CFAP44: variants seen among roughly 807,000 people sequenced by gnomAD.
The protein encoded by CFAP44 is cilia- and flagella-associated protein 44.
In CFAP44, 134 loss-of-function variants were observed where a neutral mutation model predicts 216.2. The observed-to-expected ratio is 0.62, with a 90% confidence interval of 0.54 to 0.72. CFAP44 has a LOEUF of 0.72. Ranked by LOEUF, CFAP44 falls within the 30% of genes least tolerant of loss-of-function variation. The probability of loss-of-function intolerance (pLI) is 0.00; values close to 1 mark genes in which losing one functional copy is unlikely to be tolerated. For synonymous variants in CFAP44, 700 were observed against 727.6 expected (o/e 0.96, Z 0.61); for missense variants, 2,035 against 2,182.1 (o/e 0.93, Z 1.34).
chr3:113,414,430 C>G (rs1934584084), intron 6 of CFAP44, among the ~76,000 whole-genome samples: 1 of 152,092 alleles, frequency 6.6e-6, no homozygotes, highest in African/African-American at 2.4e-5. Flanking sequence ...GCATCCTTGT[C>G]TTGTACCAGT....
chr3:113,330,407 C>T lies in CFAP44; in HGVS notation c.3877G>A (p.Gly1293Arg), dbSNP rs369048426. ...QMKSKDEKSP[G>R]VEQTGSGGPV... is the part of the protein sequence containing the mutation. ...CCTCCAGACCCTGTCTGTTCCACTC[C>T]GGGGGACTTTTCATCTTTACTTTTC... Residue 1293 changes from glycine (G) to arginine (R), a missense_variant, in exon 26 of 35, where the codon GGA (glycine) becomes AGA (arginine). Gly to Arg is a moderately radical substitution (Grantham distance 125). Coordinates refer to ENST00000393845, the MANE Select transcript of CFAP44 (RefSeq NM_001164496.2). 1.4e-5 allele frequency: 21 copies of T among 1,537,178 alleles called. No homozygotes were observed. Among genetic ancestry groups the T allele is most frequent in the East Asian group, 7.3e-5 (3 of 40,926 alleles).
At chr3:113,307,315 A>C (rs1007876372) in intron 29 of CFAP44, among the ~76,000 whole-genome samples, 22 of 152,248 alleles carry the variant, frequency 1.4e-4, no homozygotes, top group Admixed American at 6.5e-4. Context: ...CATAACTTAT[A>C]ACTCTGAATC....
At chr3:113,330,020 A>G in intron 26 of CFAP44, 148 bp downstream of exon 26, 1 of 918,032 alleles carries the variant, frequency 1.1e-6, no homozygotes, top group Non-Finnish European at 1.5e-6. Context: ...ATGGGGAGGA[A>G]GCCAAGCCAT....
In CFAP44 at chr3:113,341,771, T is replaced by G. The variant is rs1950335251; in HGVS notation, c.3410A>C (p.Gln1137Pro). 1 of 1,502,412 alleles carries G rather than the reference T, an allele frequency of 6.7e-7. No homozygotes were observed. Among genetic ancestry groups the G allele is most frequent in the Non-Finnish European group, 8.8e-7 (1 of 1,137,184 alleles). The allele number at this position is 1,502,412 out of a possible 1,614,324, so 93.1% of individuals were successfully genotyped here. The part of the protein sequence containing the change: ...LKAERAQLKI[Q>P]QRKKEWEELY... ...TTCCTCCCATTCTTTTTTTCGCTGTTGAATCTTTAGTTGTGCCCTTTCAGC... is the reference window on the plus strand; with the variant it reads ...TTCCTCCCATTCTTTTTTTCGCTGTGGAATCTTTAGTTGTGCCCTTTCAGC... Residue 1137 changes from glutamine to proline, a missense_variant, in exon 24 of 35, where the codon CAA (glutamine) becomes CCA (proline). Physicochemically the swap from Gln to Pro is moderately conservative, Grantham distance 76. This residue lies in a region of CFAP44 where 1,883 missense variants were observed against 2,023.7 expected (regional missense o/e 0.93). Coordinates refer to ENST00000393845, the MANE Select transcript of CFAP44 (RefSeq NM_001164496.2).
At chr3:113,353,564 T>C (rs886676200) in intron 22 of CFAP44, among the ~76,000 whole-genome samples, 1 of 152,062 alleles carries the variant, frequency 6.6e-6, no homozygotes, top group African/African-American at 2.4e-5. Flanking sequence ...GAGTTCTTCC[T>C]GAGAGGAACT....
chr3:113,313,388 A>G (rs1202372360), intron 28 of CFAP44, among the ~76,000 whole-genome samples: 1 of 152,124 alleles, frequency 6.6e-6, no homozygotes, highest in Non-Finnish European at 1.5e-5. Context: ...TTTTGATTTT[A>G]CAGGCTCATA....
intron 27 of CFAP44, 48 bp downstream of exon 27, chr3:113,327,568 T>A: frequency 1.4e-6 from 2 of 1,474,514 alleles, no homozygotes; most frequent in Non-Finnish European, 1.8e-6. Context: ...ATCAAGTTTC[T>A]CCATAACTAA....
chr3:113,403,790 C>A, intron 9 of CFAP44, 62 bp downstream of exon 9: 1 of 1,526,964 alleles, frequency 6.5e-7, no homozygotes, highest in Non-Finnish European at 8.8e-7. Context: ...GAAATAAAAC[C>A]CTTTGGGTGA....
At chr3:113,345,371 C>T (rs1950371324) in intron 22 of CFAP44, among the ~76,000 whole-genome samples, 1 of 151,938 alleles carries the variant, frequency 6.6e-6, no homozygotes, top group African/African-American at 2.4e-5. Flanking sequence ...ATTTTGTTTT[C>T]TTAAATTACA....
chr3:113,412,609 T>G (rs939911974), intron 6 of CFAP44, among the ~76,000 whole-genome samples: 1 of 152,050 alleles, frequency 6.6e-6, no homozygotes, highest in Non-Finnish European at 1.5e-5. Flanking sequence ...CATTTATGAG[T>G]CAGAACACAC....
intron 32 of CFAP44, among the ~76,000 whole-genome samples, chr3:113,302,457 TAAAAAAAAA>T (rs60866565): frequency 0.047 from 3,561 of 75,850 alleles, 235 homozygotes; most frequent in African/African-American, 0.14. Context: ...CTAGACAAAG[TAAAAAAAAA>T]AAAAAAAAAA....
intron 24 of CFAP44, among the ~76,000 whole-genome samples, chr3:113,339,073 G>A (rs182263031): frequency 2.0e-5 from 3 of 152,236 alleles, no homozygotes; most frequent in Admixed American, 1.3e-4. Flanking sequence ...CTGCACATAT[G>A]GGGCTTCAGA....
intron 11 of CFAP44, 66 bp from the exon 12 acceptor site, chr3:113,400,710 A>T (rs780621604): frequency 6.0e-5 from 82 of 1,357,978 alleles, no homozygotes; most frequent in Non-Finnish European, 7.8e-5. Flanking sequence ...GATCAAGTTT[A>T]AAAAAATGCA....
chr3:113,326,347 T>C lies in CFAP44; in HGVS notation c.4516+98A>G, dbSNP rs936730813. On this transcript the variant is annotated intron_variant, in intron 28 of 34. Transcript: ENST00000393845. ...CAGTGTCTCTACATTGTCCATGTTA[T>C]AGTGAAAAAAATAAGGTATCTAATA... The C allele has an allele frequency of 1.6e-5, 18 of 1,134,392 alleles. No homozygotes were observed. The South Asian group carries it at 2.0e-4, about 13-fold the overall frequency. 70.3% of individuals were successfully genotyped at this position (1,134,392 alleles called of 1,614,324 possible).
intron 13 of CFAP44, 40 bp from the exon 14 acceptor site, chr3:113,396,767 A>C (rs1333068244): frequency 6.3e-7 from 1 of 1,581,214 alleles, no homozygotes; most frequent in East Asian, 2.3e-5. Flanking sequence ...AAACTAGTTA[A>C]ATTGAGAAAG....
intron 34 of CFAP44, chr3:113,293,840 T>C (rs1949854805): frequency 3.2e-6 from 1 of 316,670 alleles, no homozygotes; most frequent in African/African-American, 2.2e-5. Context: ...CCAGTGATTC[T>C]TAAACTCTAG....
rs1052349100 is a variant in CFAP44 at position 113,290,755 on chromosome 3, G to A, written c.*802C>T. On this transcript the variant is annotated 3_prime_UTR_variant, in exon 35 of 35. Transcript: ENST00000393845. ...CTCATCTATATCAAAACCAGCAAAT[G>A]GCCCAAGTAAAACCTGAAAGAAAAT... is the stretch of plus-strand genomic sequence containing the variant. 2.6e-5 allele frequency: 4 copies of A among 152,126 alleles called. No individual in the cohort carries two copies. The highest frequency in any genetic ancestry group is 7.2e-5 in the African/African-American group (3 of 41,414). The allele number at this position is 152,126 out of a possible 1,614,324, so 9.4% of individuals were successfully genotyped here. A position where few individuals can be genotyped will look rare whatever the true frequency, so the allele number is the denominator to read the frequency against.
At chr3:113,338,851 G>T (rs1424174585) in intron 24 of CFAP44, among the ~76,000 whole-genome samples, 2 of 152,204 alleles carry the variant, frequency 1.3e-5, no homozygotes, top group African/African-American at 4.8e-5. Context: ...GAGGGGGCAA[G>T]TGAGGGGCTG....
At chr3:113,328,729 C>CAAAAAAAAAAAAAAAAAAAAAAAAAAAA (rs1950215260) in intron 26 of CFAP44, among the ~76,000 whole-genome samples, 1 of 83,486 alleles carries the variant, frequency 1.2e-5, no homozygotes, top group Non-Finnish European at 2.5e-5. Context: ...AAAAAAAAAA[C>CAAAAAAAAAAAAAAAAAAAAAAAAAAAA]AGAGAGAGAA....
Sources: allele counts gnomAD v4.1 joint callset (sites outside exome capture counted in the v4.1 genomes callset), GRCh38; gene constraint gnomAD v4.1.1; regional missense constraint gnomAD v4.1.1; transcripts MANE v1.5; gene names NCBI Gene and HGNC (gene_info 2026-07-23, HGNC 2026-07-21).